Variants in REDIC1 observed in about 807,000 individuals in gnomAD.
REDIC1 encodes HEI10 Interacting Protein 1.
the REDIC1 span, among the ~76,000 whole-genome samples, chr12:39,681,918 T>G: frequency 6.6e-6 from 1 of 152,194 alleles, no homozygotes; most frequent in African/African-American, 2.4e-5. Context: ...TTGTAGTCAC[T>G]GACAATAAAA....
At chr12:39,871,982 C>T in the REDIC1 span, 112 of 1,535,328 alleles carry the variant, frequency 7.3e-5, no homozygotes, top group Non-Finnish European at 9.3e-5. Flanking sequence ...ATGAATAAAA[C>T]AATTGCTATT....
At chr12:39,698,312 T>A in the REDIC1 span, among the ~76,000 whole-genome samples, 6 of 152,188 alleles carry the variant, frequency 3.9e-5, no homozygotes, top group Non-Finnish European at 8.8e-5. Context: ...TAAATATATA[T>A]GCACCCAACA....
the REDIC1 span, chr12:39,736,716 T>G: frequency 6.6e-6 from 1 of 152,256 alleles, no homozygotes; most frequent in Non-Finnish European, 1.5e-5. Context: ...TCAGGACACA[T>G]GCCGTGGGTA....
the REDIC1 span, among the ~76,000 whole-genome samples, chr12:39,893,547 G>A: frequency 4.6e-5 from 7 of 152,158 alleles, no homozygotes; most frequent in East Asian, 1.9e-4. Flanking sequence ...TGATCTGCCC[G>A]CCTTGGTCTC....
the REDIC1 span, among the ~76,000 whole-genome samples, chr12:39,880,058 G>A: frequency 2.6e-5 from 4 of 152,042 alleles, no homozygotes; most frequent in South Asian, 4.2e-4. Flanking sequence ...TCTCTCTCTC[G>A]CGCTTGCTCT....
At chr12:39,779,820 A>G in the REDIC1 span, among the ~76,000 whole-genome samples, 1 of 152,224 alleles carries the variant, frequency 6.6e-6, no homozygotes. Context: ...AAACTACACC[A>G]GTATTCTGAT....
the REDIC1 span, among the ~76,000 whole-genome samples, chr12:39,714,293 A>G: frequency 1.4e-4 from 21 of 148,424 alleles, 1 homozygote; most frequent in African/African-American, 5.2e-4. Context: ...ACGTATATGC[A>G]TGCATATATG....
At chr12:39,657,317 C>T in the REDIC1 span, among the ~76,000 whole-genome samples, 13 of 152,272 alleles carry the variant, frequency 8.5e-5, no homozygotes, top group African/African-American at 2.6e-4. Flanking sequence ...GAGCAATAGG[C>T]CATACTATAT....
At chr12:39,716,101 T>G in the REDIC1 span, among the ~76,000 whole-genome samples, 1 of 152,060 alleles carries the variant, frequency 6.6e-6, no homozygotes, top group East Asian at 1.9e-4. Flanking sequence ...TGATCTGGTA[T>G]GTGTTGTTTC....
At chr12:39,684,721 C>T in the REDIC1 span, 1 of 583,274 alleles carries the variant, frequency 1.7e-6, no homozygotes, top group South Asian at 2.4e-5. Context: ...AGGTGGGCTC[C>T]TTGGCATGGA....
chr12:39,665,984 G>A, the REDIC1 span, among the ~76,000 whole-genome samples: 1 of 152,032 alleles, frequency 6.6e-6, no homozygotes, highest in East Asian at 1.9e-4. Flanking sequence ...GAGACGATGG[G>A]GTTTTCTAGG....
At chr12:39,682,252 T>G in the REDIC1 span, among the ~76,000 whole-genome samples, 1 of 152,144 alleles carries the variant, frequency 6.6e-6, no homozygotes. Flanking sequence ...TCAAAACATC[T>G]TTCTCTGGTT....
chr12:39,712,698 TGTATATATGTATATAGACGTATAC>T, the REDIC1 span, among the ~76,000 whole-genome samples: 1 of 4,048 alleles, frequency 2.5e-4, no homozygotes, highest in Non-Finnish European at 6.1e-4. Context: ...TACGTATACG[TGTATATATGTATATAGACGTATAC>T]GTGTATATAT....
chr12:39,682,901 G>A, the REDIC1 span: 3 of 1,612,874 alleles, frequency 1.9e-6, no homozygotes, highest in Non-Finnish European at 2.5e-6. Context: ...GATTATGATA[G>A]TATGGGAGAT....
the REDIC1 span, among the ~76,000 whole-genome samples, chr12:39,798,135 C>T: frequency 1.3e-5 from 2 of 152,306 alleles, no homozygotes; most frequent in Admixed American, 1.3e-4. Flanking sequence ...CAATGGAAAA[C>T]TCCACATAAA....
At chr12:39,670,687 G>T in the REDIC1 span, among the ~76,000 whole-genome samples, 1 of 150,192 alleles carries the variant, frequency 6.7e-6, no homozygotes, top group African/African-American at 2.4e-5. Context: ...CTCAACATTT[G>T]AATATTTTGT....
At chr12:39,654,185 T>C in the REDIC1 span, among the ~76,000 whole-genome samples, 1 of 152,236 alleles carries the variant, frequency 6.6e-6, no homozygotes, top group South Asian at 2.1e-4. Flanking sequence ...TGTCAAGTGC[T>C]CCTTCCATGT....
the REDIC1 span, among the ~76,000 whole-genome samples, chr12:39,666,384 G>A: frequency 6.6e-6 from 1 of 152,134 alleles, no homozygotes; most frequent in Admixed American, 6.5e-5. Flanking sequence ...ATTTGCATAT[G>A]TTGAACCAGC....
chr12:39,794,141 A>G, the REDIC1 span, among the ~76,000 whole-genome samples: 1 of 151,386 alleles, frequency 6.6e-6, no homozygotes, highest in African/African-American at 2.4e-5. Context: ...AAAAAAAAAA[A>G]AAAAAAAACC....
Sources: gnomAD v4.1 joint callset for allele counts (sites outside exome capture counted in the v4.1 genomes callset) on GRCh38, gnomAD v4.1.1 for gene constraint, MANE v1.5 for transcripts, NCBI Gene and HGNC (gene_info 2026-07-23, HGNC 2026-07-21) for gene names.